The following MZT2B variants were observed in gnomAD, a reference collection of about 807,000 sequenced individuals.
MZT2B encodes the protein mitotic-spindle organizing protein 2B.
In MZT2B, 11 loss-of-function variants were observed where a neutral mutation model predicts 12.1. That is an observed-to-expected ratio of 0.91 (90% confidence interval 0.57 to 1.50). MZT2B has a LOEUF of 1.50. MZT2B is among the 40% of genes most tolerant of loss of function. The pLI, the probability that MZT2B is intolerant of heterozygous loss-of-function variation, is 0.00. For synonymous variants in MZT2B, 85 were observed against 109.5 expected (o/e 0.78, Z 1.40); for missense variants, 209 against 227.7 (o/e 0.92, Z 0.53).
chr2:130,203,051 T>TTC, the MZT2B span, among the ~76,000 whole-genome samples: 169 of 129,038 alleles, frequency 1.3e-3, no homozygotes, highest in African/African-American at 5.9e-3. Context: ...CTTTTTTCTT[T>TTC]TTTTTTTTTT....
the MZT2B span, among the ~76,000 whole-genome samples, chr2:130,204,740 C>A: frequency 6.7e-6 from 1 of 149,916 alleles, no homozygotes; most frequent in African/African-American, 2.4e-5. Context: ...GATATTTCAG[C>A]GATGGTATTG....
the MZT2B span, among the ~76,000 whole-genome samples, chr2:130,199,927 T>TCC: frequency 2.5e-4 from 37 of 145,766 alleles, no homozygotes; most frequent in East Asian, 4.7e-3. Context: ...GAAACCCTGT[T>TCC]TCTACTAAAA....
chr2:130,190,311 T>C (rs1357031903), intron 2 of MZT2B, among the ~76,000 whole-genome samples, 158 bp from the exon 3 acceptor site: 1 of 152,246 alleles, frequency 6.6e-6, no homozygotes, highest in Non-Finnish European at 1.5e-5. Context: ...CTTTAGTGGT[T>C]CTGAGTCTCA....
At chr2:130,192,726 G>T (rs1268013744), downstream of MZT2B, among the ~76,000 whole-genome samples, 2 of 152,154 alleles carry the variant, frequency 1.3e-5, no homozygotes, top group Non-Finnish European at 2.9e-5. Flanking sequence ...TCAGAACTCG[G>T]TAATAACATG....
chr2:130,200,355 C>T, the MZT2B span, among the ~76,000 whole-genome samples: 112 of 151,438 alleles, frequency 7.4e-4, no homozygotes, highest in African/African-American at 2.7e-3. Context: ...AACACCACTG[C>T]ACTCCAGCCT....
At chr2:130,182,147 G>A, upstream of MZT2B, 1 of 1,257,018 alleles carries the variant, frequency 8.0e-7, no homozygotes, top group African/African-American at 1.6e-5. Flanking sequence ...CGCGGAGGCG[G>A]CCCCGTCCCC....
chr2:130,186,100 G>A (rs561204012), intron 2 of MZT2B, among the ~76,000 whole-genome samples: 20 of 152,014 alleles, frequency 1.3e-4, no homozygotes, highest in African/African-American at 4.8e-5. Context: ...ACAGAGCTCC[G>A]GCTGCCCTGG....
At chr2:130,192,066 C>T (rs537573234), downstream of MZT2B, 70 of 1,613,026 alleles carry the variant, frequency 4.3e-5, no homozygotes, top group East Asian at 2.5e-4. Flanking sequence ...GCACACGGCC[C>T]GCTGCACCTT....
At chr2:130,201,966 T>G in the MZT2B span, among the ~76,000 whole-genome samples, 1 of 152,240 alleles carries the variant, frequency 6.6e-6, no homozygotes, top group East Asian at 1.9e-4. Context: ...GACCGAAACA[T>G]CATTATATGC....
downstream of MZT2B, chr2:130,194,169 T>C: frequency 1.9e-6 from 3 of 1,613,756 alleles, no homozygotes; most frequent in Non-Finnish European, 2.5e-6. Flanking sequence ...TTGAGGTTGG[T>C]GTACGTGGGA....
At chr2:130,183,019 C>T (rs1689840503) in intron 2 of MZT2B, 4 of 635,180 alleles carry the variant, frequency 6.3e-6, no homozygotes, top group Non-Finnish European at 1.1e-5. Context: ...TAGGGCTCCT[C>T]CGCTTAGCTC....
intron 2 of MZT2B, among the ~76,000 whole-genome samples, chr2:130,186,035 C>T (rs1045945717): frequency 3.3e-5 from 5 of 152,046 alleles, no homozygotes; most frequent in African/African-American, 1.2e-4. Context: ...AAGCAGAGGC[C>T]ACAGATGGAA....
chr2:130,203,048 CTTTTTTTT>C, the MZT2B span, among the ~76,000 whole-genome samples: 12 of 118,518 alleles, frequency 1.0e-4, no homozygotes, highest in Middle Eastern at 4.3e-3. Flanking sequence ...TTTCTTTTTT[CTTTTTTTT>C]TTTTTTTTTT....
At chr2:130,187,514 T>C (rs1180770829) in intron 2 of MZT2B, among the ~76,000 whole-genome samples, 1 of 152,212 alleles carries the variant, frequency 6.6e-6, no homozygotes, top group Non-Finnish European at 1.5e-5. Flanking sequence ...CAACATTCAA[T>C]GGTCATTGAC....
At chr2:130,195,334 A>G (rs1690378673), downstream of MZT2B, 11 of 1,465,976 alleles carry the variant, frequency 7.5e-6, no homozygotes, top group South Asian at 1.3e-4. Flanking sequence ...TTCAAAGTAC[A>G]TGACCTACAT....
chr2:130,181,760 G>A (rs1325989241), upstream of MZT2B: 3 of 1,548,154 alleles, frequency 1.9e-6, no homozygotes, highest in Non-Finnish European at 1.7e-6. Context: ...GTCCTTAGCT[G>A]AATGCGCCTG....
chr2:130,191,216 T>G (rs149884929), downstream of MZT2B, among the ~76,000 whole-genome samples: 46 of 152,312 alleles, frequency 3.0e-4, no homozygotes, highest in African/African-American at 1.1e-3. Flanking sequence ...CAGTTGACAG[T>G]GCTGAGGGAC....
chr2:130,192,225 C>G, downstream of MZT2B: 1 of 1,493,682 alleles, frequency 6.7e-7, no homozygotes, highest in Non-Finnish European at 9.0e-7. Flanking sequence ...GTAGGTGACA[C>G]GGAGAATGCT....
chr2:130,204,691 CAA>C, the MZT2B span, among the ~76,000 whole-genome samples: 71 of 96,426 alleles, frequency 7.4e-4, no homozygotes, highest in Middle Eastern at 6.0e-3. Context: ...AACTCTGTCT[CAA>C]AAAAAAAAAA....
Sources: gnomAD v4.1 joint callset for allele counts (sites outside exome capture counted in the v4.1 genomes callset) on GRCh38, gnomAD v4.1.1 for gene constraint, MANE v1.5 for transcripts, NCBI Gene and HGNC (gene_info 2026-07-23, HGNC 2026-07-21) for gene names.